RNF150: variants seen among roughly 807,000 people sequenced by gnomAD.
The protein encoded by RNF150 is ring finger protein 150.
RNF150 carries 24 observed loss-of-function variants against 39.3 expected under a neutral mutation model. That is an observed-to-expected ratio of 0.61 (90% CI 0.44 to 0.86). RNF150 has a LOEUF of 0.86. Ranked by LOEUF, RNF150 falls within the 40% of genes least tolerant of loss-of-function variation. The pLI, the probability that RNF150 is intolerant of heterozygous loss-of-function variation, is 0.00. For missense variants in RNF150, 502 were observed against 587.8 expected, an observed-to-expected ratio of 0.85 and a Z score of 1.51; for synonymous variants, 255 against 227.3, an observed-to-expected ratio of 1.12 and a Z score of -1.10.
intron 1 of RNF150, among the ~76,000 whole-genome samples, chr4:141,161,310 G>A (rs1727508282): frequency 6.6e-6 from 1 of 152,142 alleles, no homozygotes; most frequent in African/African-American, 2.4e-5. Context: ...TAGGGTATAT[G>A]GCAGAAAAAG....
chr4:141,017,063 G>GTGC (rs145569027), intron 1 of RNF150, among the ~76,000 whole-genome samples: 2,944 of 152,104 alleles, frequency 0.019, 89 homozygotes, highest in African/African-American at 0.067. Flanking sequence ...ACGTGAACAT[G>GTGC]TGCTACCCTG....
intron 1 of RNF150, among the ~76,000 whole-genome samples, chr4:141,025,711 C>T (rs1416936595): frequency 6.6e-6 from 1 of 152,010 alleles, no homozygotes; most frequent in Non-Finnish European, 1.5e-5. Flanking sequence ...TAAATTTCTT[C>T]TAAGAATAGG....
intron 1 of RNF150, among the ~76,000 whole-genome samples, chr4:141,103,566 C>T (rs2111042106): frequency 6.6e-6 from 1 of 152,222 alleles, no homozygotes; most frequent in African/African-American, 2.4e-5. Context: ...TTATCTAAGA[C>T]TGTAGTTTTT....
intron 1 of RNF150, among the ~76,000 whole-genome samples, chr4:141,187,853 A>G (rs1728039883): frequency 6.6e-6 from 1 of 152,136 alleles, no homozygotes; most frequent in Non-Finnish European, 1.5e-5. Context: ...TTATATTTAA[A>G]TTTAATATTG....
At position 141,140,629 on chromosome 4, in the gene RNF150, G is replaced by T. The variant is rs148673766; in HGVS notation, c.-6+72165C>A. ...TTGAAAGATCATCTTGTCCTTTTTCGCCAAAAAGCTGGAATGAGGGAGGTT... is the reference window on the plus strand; with the variant it reads ...TTGAAAGATCATCTTGTCCTTTTTCTCCAAAAAGCTGGAATGAGGGAGGTT... On this transcript the variant is annotated intron_variant, in intron 1 of 7. Coordinates refer to the RNF150 transcript ENST00000420921. Among the ~76,000 whole-genome samples the T allele has an allele frequency of 4.1e-3, 624 of 150,782 alleles. 3 individuals carry two copies. Among genetic ancestry groups the T allele is most frequent in the Middle Eastern group, 0.017 (5 of 292 alleles).
In RNF150 at chr4:140,865,559, T is replaced by C. The variant is rs1040008785; in HGVS notation, c.*2702A>G. Reference sequence around the variant, plus strand: ...GGTTAAGCTTTTTTTTTTTCTTTTTTTTTTTTTTTTTAAACTATCAAAGCT... The same window carrying C: ...GGTTAAGCTTTTTTTTTTTCTTTTTCTTTTTTTTTTTAAACTATCAAAGCT... On this transcript the variant is annotated 3_prime_UTR_variant, in exon 7 of 7. Transcript: ENST00000515673. 7.3e-5 allele frequency: 11 copies of C among 151,650 alleles called. No individual in the cohort carries two copies. The highest frequency in any genetic ancestry group is 4.2e-4 in the South Asian group (2 of 4,792). 9.4% of individuals were successfully genotyped at this position (151,650 alleles called of 1,614,324 possible). A position where few individuals can be genotyped will look rare whatever the true frequency, so the allele number is the denominator to read the frequency against.
At chr4:140,992,826 G>A (rs999838490) in intron 1 of RNF150, among the ~76,000 whole-genome samples, 1 of 152,094 alleles carries the variant, frequency 6.6e-6, no homozygotes, top group Non-Finnish European at 1.5e-5. Flanking sequence ...GAAAAGAGTT[G>A]GGATTTGGCG....
Position 141,029,875 on chromosome 4 carries a change from T to C in RNF150, c.485-62002A>G, listed in dbSNP as rs567868973. The stretch of plus-strand genomic sequence containing the variant: ...GGCAAATGACTTAAATAGACATTTC[T>C]CCAAAGATGAAATACCAACATGCAT... On this transcript the variant is annotated intron_variant, in intron 1 of 6. Transcript: ENST00000515673. 4.6e-5 allele frequency among the ~76,000 whole-genome samples: 7 copies of C among 152,286 alleles called. No homozygotes were observed. The South Asian group carries it at 1.5e-3, about 32-fold the overall frequency.
chr4:140,872,582 T>C (rs1198359283), intron 6 of RNF150, among the ~76,000 whole-genome samples: 2 of 152,122 alleles, frequency 1.3e-5, no homozygotes, highest in African/African-American at 4.8e-5. Flanking sequence ...ACATGGTGGC[T>C]TATTGTGGTG....
intron 4 of RNF150, among the ~76,000 whole-genome samples, chr4:140,943,766 G>T (rs1175369724): frequency 1.3e-5 from 2 of 152,108 alleles, no homozygotes; most frequent in African/African-American, 4.8e-5. Context: ...AAGCATTTAG[G>T]TACTAAAAGT....
chr4:140,886,999 TC>T (rs1560948808), intron 6 of RNF150, among the ~76,000 whole-genome samples: 1 of 152,172 alleles, frequency 6.6e-6, no homozygotes, highest in Non-Finnish European at 1.5e-5. Context: ...TTGTTCATTT[TC>T]CCCCAAAATT....
intron 5 of RNF150, among the ~76,000 whole-genome samples, chr4:140,912,959 TAAAAAAAA>T (rs10616886): frequency 8.0e-5 from 11 of 138,144 alleles, no homozygotes; most frequent in East Asian, 3.9e-4. Flanking sequence ...CATCAGAACA[TAAAAAAAA>T]AAAAAAAAAA....
intron 2 of RNF150, among the ~76,000 whole-genome samples, chr4:140,952,304 G>A (rs546733740): frequency 6.6e-6 from 1 of 152,150 alleles, no homozygotes; most frequent in Non-Finnish European, 1.5e-5. Flanking sequence ...GAGCCACAGC[G>A]CCCGACCAGG....
chr4:141,059,456 A>T (rs1737125695), intron 1 of RNF150, among the ~76,000 whole-genome samples: 1 of 152,164 alleles, frequency 6.6e-6, no homozygotes, highest in Non-Finnish European at 1.5e-5. Flanking sequence ...TACATTTTTT[A>T]AAATCTAAAA....
chr4:141,151,211 T>C (rs1440910176), intron 1 of RNF150, among the ~76,000 whole-genome samples: 1 of 152,202 alleles, frequency 6.6e-6, no homozygotes, highest in Admixed American at 6.6e-5. Flanking sequence ...CCCAAAGTGC[T>C]GGGATTACAG....
At chr4:141,192,521 G>T (rs566696866) in intron 1 of RNF150, among the ~76,000 whole-genome samples, 1 of 152,174 alleles carries the variant, frequency 6.6e-6, no homozygotes, top group Non-Finnish European at 1.5e-5. Context: ...GGGGTTGACA[G>T]TGGTGAGAAA....
chr4:141,212,471 T>C lies in RNF150; in HGVS notation c.-6+323A>G, dbSNP rs115844057. ...CAAATCAAACAAACTAAACATATGC[T>C]TGAAGGTGGGCTTGTGGGTAGGAAT... On this transcript the variant is annotated intron_variant, in intron 1 of 7. Transcript: ENST00000420921. 1.7e-3 allele frequency among the ~76,000 whole-genome samples: 265 copies of C among 152,296 alleles called. 4 individuals are homozygous for C. The highest frequency in any genetic ancestry group is 6.1e-3 in the African/African-American group (254 of 41,554).
chr4:141,009,690 AT>A (rs943170839), intron 1 of RNF150, among the ~76,000 whole-genome samples: 4 of 152,136 alleles, frequency 2.6e-5, no homozygotes, highest in African/African-American at 9.7e-5. Context: ...ATTCCATGTC[AT>A]TTTTTCCCAG....
chr4:141,003,466 G>A (rs545266001), intron 1 of RNF150, among the ~76,000 whole-genome samples: 1 of 151,820 alleles, frequency 6.6e-6, no homozygotes, highest in Non-Finnish European at 1.5e-5. Flanking sequence ...AACATAAATG[G>A]CTTCTACTTT....
Sources: allele counts gnomAD v4.1 joint callset (sites outside exome capture counted in the v4.1 genomes callset), GRCh38; gene constraint gnomAD v4.1.1; transcripts MANE v1.5; gene names NCBI Gene and HGNC (gene_info 2026-07-23, HGNC 2026-07-21).